Variants in SRCIN1 observed in about 807,000 individuals in gnomAD.
SRCIN1 encodes P130Cas-associated protein.
SRCIN1 carries 50 observed loss-of-function variants against 116.2 expected under a neutral mutation model. That is an observed-to-expected ratio of 0.43 (90% CI 0.34 to 0.54). The LOEUF is 0.54. Among genes scored for constraint, SRCIN1 ranks in the 20% least tolerant of loss-of-function variants. SRCIN1 has a pLI of 0.02. For synonymous variants in SRCIN1, 736 were observed against 750.0 expected (o/e 0.98, Z 0.30); for missense variants, 1,446 against 1,672.0 (o/e 0.86, Z 2.36).
At chr17:38,596,586 G>T (rs1908743624) in intron 1 of SRCIN1, among the ~76,000 whole-genome samples, 1 of 152,068 alleles carries the variant, frequency 6.6e-6, no homozygotes, top group South Asian at 2.1e-4. Flanking sequence ...TTCATGCCAG[G>T]TTATGCCATT....
At chr17:38,573,811 A>C (rs909361617) in intron 2 of SRCIN1, among the ~76,000 whole-genome samples, 1 of 152,212 alleles carries the variant, frequency 6.6e-6, no homozygotes, top group Non-Finnish European at 1.5e-5. Context: ...AGTCTGTCCC[A>C]CTTGCCATCC....
intron 1 of SRCIN1, among the ~76,000 whole-genome samples, chr17:38,599,791 G>A (rs1026723380): frequency 2.0e-5 from 3 of 152,196 alleles, no homozygotes; most frequent in South Asian, 2.1e-4. Context: ...CAGTGCATGC[G>A]TGGGGCCCGA....
At chr17:38,573,025 C>T (rs2143282316) in intron 2 of SRCIN1, among the ~76,000 whole-genome samples, 1 of 152,174 alleles carries the variant, frequency 6.6e-6, no homozygotes, top group South Asian at 2.1e-4. Flanking sequence ...GCCGGCCTGG[C>T]GCCCGGGACT....
Position 38,602,124 on chromosome 17 carries a change from G to C in SRCIN1, c.22+3560C>G, listed in dbSNP as rs1909080107. 1 of 152,130 alleles carries C rather than the reference G, an allele frequency of 6.6e-6. No individual in the cohort carries two copies. The highest frequency in any genetic ancestry group is 2.4e-5 in the African/African-American group (1 of 41,346). The allele number at this position is 152,130 out of a possible 1,614,324, so 9.4% of individuals were successfully genotyped here. On this transcript the variant is annotated intron_variant, in intron 1 of 18. Coordinates refer to ENST00000617146, the MANE Select transcript of SRCIN1 (RefSeq NM_025248.3). The surrounding 1 kb of genome is among the most constrained non-coding windows in gnomAD (Gnocchi z 4.2). Reference sequence around the variant, plus strand: ...TCTAGGCTGCTTGGCAGGAGTTGGGGACCATGCCCCTGCCCCTCTGCCCAC... The same window carrying C: ...TCTAGGCTGCTTGGCAGGAGTTGGGCACCATGCCCCTGCCCCTCTGCCCAC...
chr17:38,539,878 G>A (rs1809787461), intron 18 of SRCIN1, among the ~76,000 whole-genome samples: 2 of 151,858 alleles, frequency 1.3e-5, no homozygotes, highest in African/African-American at 4.8e-5. Flanking sequence ...AAAATTAGCC[G>A]GGCGTGTTGA....
Position 38,561,843 on chromosome 17 carries a change from G to A in SRCIN1, c.1320C>T (p.Ala440=), listed in dbSNP as rs1036855779. The change falls in exon 7 of 19, where the codon GCC becomes GCT. Residue 440 remains alanine, a synonymous_variant. Transcript: ENST00000617146. The stretch of plus-strand genomic sequence containing the variant: ...CCTCCAGATCGGACTGCAGCGCGGC[G>A]GCCGAGTAGGTGCTGAGCGAGCGCA... ...GSVRSLSTYS[A]AALQSDLEDS... is the part of the protein sequence containing the mutation. 1 of 1,476,538 alleles carries A rather than the reference G, an allele frequency of 6.8e-7. No individual in the cohort carries two copies. The highest frequency in any genetic ancestry group is 1.5e-5 in the African/African-American group (1 of 67,650). The allele number at this position is 1,476,538 out of a possible 1,614,324, so 91.5% of individuals were successfully genotyped here. A position where few individuals can be genotyped will look rare whatever the true frequency, so the allele number is the denominator to read the frequency against.
intron 11 of SRCIN1, among the ~76,000 whole-genome samples, chr17:38,557,237 G>T (rs1476227759): frequency 6.6e-6 from 1 of 152,248 alleles, no homozygotes; most frequent in East Asian, 1.9e-4. Flanking sequence ...GCTCATTTAT[G>T]ACTTAGTGAG....
intron 11 of SRCIN1, among the ~76,000 whole-genome samples, chr17:38,553,911 A>G (rs951380284): frequency 6.6e-5 from 10 of 152,152 alleles, no homozygotes; most frequent in Non-Finnish European, 1.2e-4. Flanking sequence ...TCCAAAAAAT[A>G]GGGATGGTAA....
At position 38,563,064 on chromosome 17, in the gene SRCIN1, G is replaced by A; in HGVS notation, c.741-144C>T. On this transcript the variant is annotated intron_variant, in intron 5 of 18. Coordinates refer to ENST00000617146, the MANE Select transcript of SRCIN1 (RefSeq NM_025248.3). The surrounding 1 kb of genome is among the most constrained non-coding windows in gnomAD (Gnocchi z 5.8). ...AGGCTGCCTGCACACACGCCCAGCAGCCTCCACCCCGGCCTCTTCCTGGCC... is the reference window on the plus strand; with the variant it reads ...AGGCTGCCTGCACACACGCCCAGCAACCTCCACCCCGGCCTCTTCCTGGCC... The A allele has an allele frequency of 1.2e-6, 1 of 810,088 alleles. No individual in the cohort carries two copies. Among genetic ancestry groups the A allele is most frequent in the Non-Finnish European group, 2.0e-6 (1 of 507,264 alleles). The allele number at this position is 810,088 out of a possible 1,614,324, so 50.2% of individuals were successfully genotyped here. A position where few individuals can be genotyped will look rare whatever the true frequency, so the allele number is the denominator to read the frequency against.
intron 18 of SRCIN1, among the ~76,000 whole-genome samples, chr17:38,538,416 CAA>C (rs536827040): frequency 0.058 from 5,786 of 100,500 alleles, 404 homozygotes; most frequent in African/African-American, 0.2. Flanking sequence ...GACTCCGTCT[CAA>C]AAAAAAAAAA....
At chr17:38,559,948 C>T in intron 9 of SRCIN1, 106 bp downstream of exon 9, 1 of 1,352,660 alleles carries the variant, frequency 7.4e-7, no homozygotes, top group Non-Finnish European at 1.0e-6. Flanking sequence ...AGGAAAAAGA[C>T]CTCTTGGGCT....
In SRCIN1 at chr17:38,572,505, G is replaced by T. The variant is rs866746590; in HGVS notation, c.325-4274C>A. Reference sequence around the variant, plus strand: ...GCCGAAGGCACCTAATGCGGTGGGGGAGGGGAGGAGGCGTTTCTCAGGGAT... The same window carrying T: ...GCCGAAGGCACCTAATGCGGTGGGGTAGGGGAGGAGGCGTTTCTCAGGGAT... On this transcript the variant is annotated intron_variant, in intron 2 of 18. Coordinates refer to ENST00000617146, the MANE Select transcript of SRCIN1 (RefSeq NM_025248.3). The surrounding 1 kb of genome is among the most constrained non-coding windows in gnomAD (Gnocchi z 4.3). Among the ~76,000 whole-genome samples, 80 of 152,210 alleles carry T rather than the reference G, an allele frequency of 5.3e-4. No homozygotes were observed. The highest frequency in any genetic ancestry group is 1.7e-3 in the African/African-American group (72 of 41,552).
intron 15 of SRCIN1, among the ~76,000 whole-genome samples, chr17:38,550,319 C>T (rs915600218): frequency 6.6e-6 from 1 of 151,874 alleles, no homozygotes; most frequent in Non-Finnish European, 1.5e-5. Context: ...ACGGTGAGAC[C>T]CCATCTCTAC....
upstream of SRCIN1, chr17:38,605,996 C>G (rs1395783984): frequency 2.9e-5 from 4 of 138,150 alleles, no homozygotes; most frequent in African/African-American, 1.1e-4. Flanking sequence ...CGGGCGGGCG[C>G]GCGCGCGGCG....
rs1417300406 is a variant in SRCIN1, at chr17:38,531,283, A to G, written c.*2014T>C. 6.6e-6 allele frequency: 1 copy of G among 151,898 alleles called. No homozygotes were observed. The highest frequency in any genetic ancestry group is 6.6e-5 in the Admixed American group (1 of 15,210). The allele number at this position is 151,898 out of a possible 1,614,324, so 9.4% of individuals were successfully genotyped here. A position where few individuals can be genotyped will look rare whatever the true frequency, so the allele number is the denominator to read the frequency against. ...AAGTCAGGGGGTCTCTGTACAGCCAAATCAAACCAGACCATTTCACTGGGA... is the reference window on the plus strand; with the variant it reads ...AAGTCAGGGGGTCTCTGTACAGCCAGATCAAACCAGACCATTTCACTGGGA... On this transcript the variant is annotated 3_prime_UTR_variant, in exon 19 of 19. Coordinates refer to ENST00000617146, the MANE Select transcript of SRCIN1 (RefSeq NM_025248.3).
In SRCIN1 at chr17:38,568,209, A is replaced by G; in HGVS notation, c.345+2T>C. 6.2e-7 allele frequency: 1 copy of G among 1,613,154 alleles called. No homozygotes were observed. The highest frequency in any genetic ancestry group is 8.5e-7 in the Non-Finnish European group (1 of 1,179,662). Reference sequence around the variant, plus strand: ...ATGGGAGCAGAGGCATCACACACTGACCTTGAAACTCCAGTAGTTTGGCTG... The same window carrying G: ...ATGGGAGCAGAGGCATCACACACTGGCCTTGAAACTCCAGTAGTTTGGCTG... On this transcript the variant is annotated splice_donor_variant, in intron 3 of 18. Transcript: ENST00000617146. LOFTEE classifies it high-confidence loss of function. The surrounding 1 kb of genome is among the most constrained non-coding windows in gnomAD (Gnocchi z 4.5).
intron 18 of SRCIN1, among the ~76,000 whole-genome samples, chr17:38,536,973 T>C (rs1024603482): frequency 6.6e-6 from 1 of 151,254 alleles, no homozygotes; most frequent in African/African-American, 2.4e-5. Context: ...GGCCAGGAGT[T>C]TGAGACCAGC....
rs961165093 is a variant in SRCIN1 at position 38,563,901 on chromosome 17, G to C, written c.541+217C>G. On this transcript the variant is annotated intron_variant, in intron 4 of 18. Transcript: ENST00000617146. The surrounding 1 kb of genome is among the most constrained non-coding windows in gnomAD (Gnocchi z 5.8). ...GAAAGGGACAGAAAAGGAAGCAAGA[G>C]GGAGAGAGGAGGCTTGGAGGGAAAG... 1.6e-6 allele frequency: 1 copy of C among 617,062 alleles called. No individual in the cohort carries two copies. Among genetic ancestry groups the C allele is most frequent in the Non-Finnish European group, 2.8e-6 (1 of 350,894 alleles). 38.2% of individuals were successfully genotyped at this position (617,062 alleles called of 1,614,324 possible). A position where few individuals can be genotyped will look rare whatever the true frequency, so the allele number is the denominator to read the frequency against.
rs1427112870 is a variant in SRCIN1 at position 38,548,725 on chromosome 17, C to T, written c.3118-16G>A. The T allele has an allele frequency of 5.7e-6, 9 of 1,574,016 alleles. No individual in the cohort carries two copies. Among genetic ancestry groups the T allele is most frequent in the Non-Finnish European group, 6.9e-6 (8 of 1,163,120 alleles). On this transcript the variant is annotated splice_polypyrimidine_tract_variant and intron_variant, in intron 16 of 18. Coordinates refer to ENST00000617146, the MANE Select transcript of SRCIN1 (RefSeq NM_025248.3). The stretch of plus-strand genomic sequence containing the variant: ...ACTCAGCCTTCTGCAAGGCCCGGGA[C>T]TCCTGTCAAGGCCAGGCTCTGCCCC...
Sources: allele counts gnomAD v4.1 joint callset (sites outside exome capture counted in the v4.1 genomes callset), GRCh38; gene constraint gnomAD v4.1.1; non-coding constraint Gnocchi (gnomAD v3.1); transcripts MANE v1.5; gene names NCBI Gene and HGNC (gene_info 2026-07-23, HGNC 2026-07-21).